The following ATP7A variants were observed in gnomAD, a reference collection of about 807,000 sequenced individuals.
ATP7A encodes copper-transporting ATPase 1.
A neutral mutation model predicts 83.5 loss-of-function variants in ATP7A; 7 were observed. The ratio of observed to expected loss-of-function variants is 0.08; its 90% CI spans 0.05 to 0.16. ATP7A has a LOEUF of 0.16. Ranked by LOEUF, ATP7A falls within the 10% of genes least tolerant of loss-of-function variation. The pLI, the probability that ATP7A is intolerant of heterozygous loss-of-function variation, is 1.00. For synonymous variants in ATP7A, 354 were observed against 395.2 expected, an observed-to-expected ratio of 0.90 and a Z score of 1.24; for missense variants, 940 against 1,120.8, an observed-to-expected ratio of 0.84 and a Z score of 2.30.
At chrX:77,962,471 CTTTG>C (rs1204898041) in intron 1 of ATP7A, 1 of 227,353 alleles carries the variant, frequency 4.4e-6, no homozygotes, top group Non-Finnish European at 8.3e-6. Context: ...TCCTTCCTTG[CTTTG>C]TTTGTGCGTT....
chrX:77,950,260 G>A (rs2077405677), intron 1 of ATP7A, among the ~76,000 whole-genome samples: 1 of 112,066 alleles, frequency 8.9e-6, no homozygotes, highest in Admixed American at 9.5e-5. Flanking sequence ...AGGAATATCT[G>A]TCTCCTCCCT....
At chrX:77,998,220 G>C in intron 4 of ATP7A, among the ~76,000 whole-genome samples, 1 of 111,913 alleles carries the variant, frequency 8.9e-6, no homozygotes, top group Admixed American at 9.5e-5. Context: ...ATTGGGAGTA[G>C]AGATAATGGC....
intron 12 of ATP7A, 32 bp from the exon 13 acceptor site, chrX:78,020,212 G>T (rs977317405): frequency 8.4e-7 from 1 of 1,192,114 alleles, no homozygotes; most frequent in East Asian, 3.0e-5. Flanking sequence ...GATCATTTAT[G>T]CTCCTTAAAT....
At chrX:78,010,611 A>G (rs1270479666) in intron 7 of ATP7A, among the ~76,000 whole-genome samples, 2 of 73,347 alleles carry the variant, frequency 2.7e-5, no homozygotes, top group Non-Finnish European at 4.7e-5. Flanking sequence ...ACAGAGTCTC[A>G]CTCTGTCGCC....
At chrX:78,016,375 A>G (rs1284836652) in intron 12 of ATP7A, among the ~76,000 whole-genome samples, 1 of 110,995 alleles carries the variant, frequency 9.0e-6, no homozygotes, top group East Asian at 2.8e-4. Context: ...TTGAGATGAG[A>G]TTTGGGTGGG....
chrX:78,027,055 G>A (rs1317042617), intron 14 of ATP7A, among the ~76,000 whole-genome samples: 1 of 108,400 alleles, frequency 9.2e-6, no homozygotes, highest in Non-Finnish European at 1.9e-5. Context: ...GAGACTGAGG[G>A]AAGAGAATTG....
chrX:77,918,533 T>C lies in ATP7A; in HGVS notation c.-22+7698T>C, dbSNP rs781941583. 8.9e-5 allele frequency among the ~76,000 whole-genome samples: 10 copies of C among 111,840 alleles called. No individual in the cohort carries two copies. In the South Asian group the frequency reaches 3.4e-3, roughly 38 times the overall value. On this transcript the variant is annotated intron_variant, in intron 1 of 22. Coordinates refer to ENST00000341514, the MANE Select transcript of ATP7A (RefSeq NM_000052.7). ...CTCAGAGTCATGAGATCAGGGCAGA[T>C]ACTGACAGTATAGTTCCTGAGAAGT...
chrX:77,915,141 C>G (rs1445811331), intron 1 of ATP7A, among the ~76,000 whole-genome samples: 2 of 111,134 alleles, frequency 1.8e-5, no homozygotes, highest in African/African-American at 6.6e-5. Context: ...ATAGGGAAAC[C>G]CTGTCTCTAC....
intron 2 of ATP7A, chrX:77,974,809 G>A: frequency 3.4e-6 from 1 of 296,823 alleles, no homozygotes; most frequent in South Asian, 2.0e-4. Flanking sequence ...CATTCCCAGG[G>A]TAAGCCTCAC....
intron 1 of ATP7A, among the ~76,000 whole-genome samples, chrX:77,931,340 C>T (rs782600197): frequency 2.7e-5 from 3 of 111,199 alleles, no homozygotes; most frequent in East Asian, 2.9e-4. Context: ...GTAAGGTCAC[C>T]GATGAGCAGG....
chrX:77,987,775 T>C (rs782025814), intron 2 of ATP7A, among the ~76,000 whole-genome samples: 1 of 111,482 alleles, frequency 9.0e-6, no homozygotes, highest in South Asian at 3.7e-4. Context: ...ATTATTTTTA[T>C]TTTTTTAAAT....
At chrX:78,043,459 C>A in intron 21 of ATP7A, 25 bp downstream of exon 21, 1 of 1,071,072 alleles carries the variant, frequency 9.3e-7, no homozygotes, top group Non-Finnish European at 1.3e-6. Context: ...ACTAGTACTG[C>A]TTTTTCCACT....
intron 1 of ATP7A, among the ~76,000 whole-genome samples, chrX:77,912,253 GT>G (rs2077164580): frequency 8.9e-6 from 1 of 111,767 alleles, no homozygotes; most frequent in Non-Finnish European, 1.9e-5. Context: ...AACAGGAGGT[GT>G]TATGAGAGTG....
At chrX:78,008,522 G>C (rs1417719999) in intron 6 of ATP7A, among the ~76,000 whole-genome samples, 1 of 109,953 alleles carries the variant, frequency 9.1e-6, no homozygotes, top group Admixed American at 9.7e-5. Context: ...ACTTCAGCAG[G>C]ATGAAAAAAA....
chrX:78,027,150 CAA>C (rs782776380), intron 14 of ATP7A, among the ~76,000 whole-genome samples: 9 of 69,948 alleles, frequency 1.3e-4, no homozygotes, highest in Admixed American at 1.7e-4. Context: ...AACTCCGTCT[CAA>C]AAAAAAAAAA....
intron 1 of ATP7A, among the ~76,000 whole-genome samples, chrX:77,932,939 G>A (rs1362806707): frequency 2.7e-5 from 3 of 110,316 alleles, no homozygotes; most frequent in African/African-American, 9.9e-5. Context: ...AGAGGGAGAG[G>A]GAGAGGGAGA....
intron 7 of ATP7A, among the ~76,000 whole-genome samples, chrX:78,010,791 TAC>T (rs2077816532): frequency 9.2e-6 from 1 of 108,832 alleles, no homozygotes; most frequent in African/African-American, 3.3e-5. Context: ...GTGTTGGCCA[TAC>T]TGCTCTCGAA....
intron 14 of ATP7A, among the ~76,000 whole-genome samples, chrX:78,022,791 A>G (rs1457065056): frequency 9.0e-6 from 1 of 110,656 alleles, no homozygotes; most frequent in Non-Finnish European, 1.9e-5. Context: ...GTGCTGGGAT[A>G]ACAGGCATGA....
intron 1 of ATP7A, among the ~76,000 whole-genome samples, chrX:77,940,366 A>G (rs2077345156): frequency 9.0e-6 from 1 of 111,550 alleles, no homozygotes; most frequent in South Asian, 3.7e-4. Context: ...TATATTTAAT[A>G]GTGGTAGCTT....
Sources: gnomAD v4.1 joint callset for allele counts (sites outside exome capture counted in the v4.1 genomes callset) on GRCh38, gnomAD v4.1.1 for gene constraint, MANE v1.5 for transcripts, NCBI Gene and HGNC (gene_info 2026-07-23, HGNC 2026-07-21) for gene names.